Variants in SAMMSON observed in about 807,000 individuals in gnomAD.
SAMMSON encodes the protein long intergenic non-protein coding RNA 1212.
At chr3:70,331,988 A>G (rs1420912716) in intron 7 of SAMMSON, among the ~76,000 whole-genome samples, 1 of 152,254 alleles carries the variant, frequency 6.6e-6, no homozygotes, top group African/African-American at 2.4e-5. Flanking sequence ...GAAGTGTGGC[A>G]TTAGTGAATT....
chr3:70,305,445 A>G (rs1026655701), intron 7 of SAMMSON, among the ~76,000 whole-genome samples: 2 of 152,198 alleles, frequency 1.3e-5, no homozygotes, highest in Non-Finnish European at 2.9e-5. Context: ...GTGTGGCTTA[A>G]TATTTAAATG....
intron 7 of SAMMSON, among the ~76,000 whole-genome samples, chr3:70,317,181 G>T (rs540432455): frequency 6.6e-6 from 1 of 151,778 alleles, no homozygotes; most frequent in African/African-American, 2.4e-5. Context: ...TTATAATCCC[G>T]CAAGCATTGT....
chr3:70,231,926 A>C (rs537683904), intron 4 of SAMMSON, among the ~76,000 whole-genome samples: 30 of 152,238 alleles, frequency 2.0e-4, no homozygotes, highest in Non-Finnish European at 3.8e-4. Context: ...CTGATGCTAC[A>C]CCAAATAACA....
intron 3 of SAMMSON, among the ~76,000 whole-genome samples, chr3:70,054,239 A>G (rs2067157934): frequency 6.6e-6 from 1 of 152,144 alleles, no homozygotes; most frequent in African/African-American, 2.4e-5. Context: ...CTGTACTCGC[A>G]TTCTCACATT....
intron 4 of SAMMSON, chr3:70,197,178 A>G: frequency 2.5e-6 from 1 of 398,598 alleles, no homozygotes; most frequent in African/African-American, 2.1e-5. Flanking sequence ...TAAGGGAGGC[A>G]CACTCCTCTG....
chr3:70,277,160 A>T (rs566225402), intron 6 of SAMMSON, among the ~76,000 whole-genome samples: 15 of 152,298 alleles, frequency 9.8e-5, no homozygotes, highest in African/African-American at 3.6e-4. Context: ...AACTTTCCTG[A>T]TAGGCTCCTA....
At chr3:70,127,696 C>T (rs1382226354) in intron 4 of SAMMSON, 1 of 151,944 alleles carries the variant, frequency 6.6e-6, no homozygotes, top group East Asian at 1.9e-4. Context: ...GGCTGGAGCA[C>T]AGTGGTGCAA....
intron 4 of SAMMSON, among the ~76,000 whole-genome samples, chr3:70,204,055 G>A (rs1395308693): frequency 6.6e-6 from 1 of 152,142 alleles, no homozygotes; most frequent in Admixed American, 6.6e-5. Context: ...ACCATGAACT[G>A]TGCTAATGGA....
intron 4 of SAMMSON, among the ~76,000 whole-genome samples, chr3:70,218,640 G>A (rs887321372): frequency 4.6e-5 from 7 of 152,058 alleles, no homozygotes; most frequent in Non-Finnish European, 1.5e-5. Flanking sequence ...AAGTACTTGG[G>A]TGGCATAACA....
chr3:70,103,268 A>G (rs1263957443), intron 4 of SAMMSON, among the ~76,000 whole-genome samples: 1 of 152,200 alleles, frequency 6.6e-6, no homozygotes, highest in Non-Finnish European at 1.5e-5. Flanking sequence ...ACCATCATGT[A>G]GGCCAAACAA....
At chr3:70,060,142 A>C (rs919763700) in intron 3 of SAMMSON, among the ~76,000 whole-genome samples, 1 of 152,082 alleles carries the variant, frequency 6.6e-6, no homozygotes, top group African/African-American at 2.4e-5. Context: ...CAGGAGAATC[A>C]CTCTGTTAGT....
chr3:70,150,452 C>T (rs2067566997), intron 4 of SAMMSON, among the ~76,000 whole-genome samples: 1 of 151,998 alleles, frequency 6.6e-6, no homozygotes, highest in South Asian at 2.1e-4. Flanking sequence ...ATCCAAGTAT[C>T]ACGTACCCCT....
chr3:70,386,299 G>C (rs1703122372), intron 9 of SAMMSON, among the ~76,000 whole-genome samples: 1 of 152,024 alleles, frequency 6.6e-6, no homozygotes. Context: ...TTTCAAGAGG[G>C]GAGTTGGGTT....
At chr3:70,195,041 T>C (rs1311354412) in intron 4 of SAMMSON, among the ~76,000 whole-genome samples, 3 of 152,108 alleles carry the variant, frequency 2.0e-5, no homozygotes, top group African/African-American at 7.2e-5. Flanking sequence ...GGACTGAGAA[T>C]TGGGTAGTGC....
intron 4 of SAMMSON, among the ~76,000 whole-genome samples, chr3:70,179,695 T>C (rs1039442201): frequency 6.6e-6 from 1 of 152,218 alleles, no homozygotes; most frequent in African/African-American, 2.4e-5. Context: ...AGTGGCTGAC[T>C]GTGGCTTAGA....
intron 9 of SAMMSON, among the ~76,000 whole-genome samples, chr3:70,376,784 A>G (rs576430829): frequency 1.3e-5 from 2 of 152,260 alleles, no homozygotes; most frequent in South Asian, 4.1e-4. Context: ...GCACCCAGAA[A>G]TGTCATATTG....
chr3:70,341,611 C>CA (rs1484377830), intron 7 of SAMMSON, among the ~76,000 whole-genome samples: 1 of 152,076 alleles, frequency 6.6e-6, no homozygotes, highest in African/African-American at 2.4e-5. Context: ...TATAAGAAGA[C>CA]AAAACCTCAA....
At chr3:70,085,008 G>T (rs1455327227) in intron 4 of SAMMSON, among the ~76,000 whole-genome samples, 1 of 152,184 alleles carries the variant, frequency 6.6e-6, no homozygotes, top group Non-Finnish European at 1.5e-5. Context: ...GTGGATGTAG[G>T]TGAGTTCTGG....
At chr3:70,208,840 T>C (rs1166059707) in intron 4 of SAMMSON, among the ~76,000 whole-genome samples, 1 of 152,142 alleles carries the variant, frequency 6.6e-6, no homozygotes. Context: ...TCAACAGTGT[T>C]TAATTTCTAT....
Sources: allele counts gnomAD v4.1 joint callset (sites outside exome capture counted in the v4.1 genomes callset), GRCh38; gene constraint gnomAD v4.1.1; transcripts MANE v1.5; gene names NCBI Gene and HGNC (gene_info 2026-07-23, HGNC 2026-07-21).